The following TMEM38B variants were observed in gnomAD, a reference collection of about 807,000 sequenced individuals.
The protein encoded by TMEM38B is transmembrane protein 38B.
In TMEM38B, 24 loss-of-function variants were observed where a neutral mutation model predicts 28.7. The observed-to-expected ratio is 0.84, with a 90% CI of 0.61 to 1.18. TMEM38B has a LOEUF of 1.18. TMEM38B is among the 50% of genes most tolerant of loss of function. The pLI, the probability that TMEM38B is intolerant of heterozygous loss-of-function variation, is 0.00. For missense variants in TMEM38B, 380 were observed against 350.9 expected (o/e 1.08, Z -0.66); for synonymous variants, 131 against 127.7 (o/e 1.03, Z -0.17).
chr9:105,762,786 C>T (rs1450854963), intron 5 of TMEM38B, among the ~76,000 whole-genome samples: 90 of 149,706 alleles, frequency 6.0e-4, no homozygotes, highest in African/African-American at 2.1e-3. Context: ...AATGGGATGG[C>T]TGGGTCAAAT....
chr9:105,757,909 C>T (rs1161809643), intron 5 of TMEM38B, among the ~76,000 whole-genome samples: 2 of 152,202 alleles, frequency 1.3e-5, no homozygotes, highest in Non-Finnish European at 2.9e-5. Context: ...AGCAGTTTGG[C>T]AATATCTGAC....
chr9:105,767,857 A>G (rs563879225), intron 5 of TMEM38B, among the ~76,000 whole-genome samples: 3 of 152,220 alleles, frequency 2.0e-5, no homozygotes, highest in East Asian at 1.9e-4. Context: ...AGCATTGTCT[A>G]TATACATGGT....
intron 1 of TMEM38B, among the ~76,000 whole-genome samples, chr9:105,704,928 T>TA (rs771753189): frequency 0.05 from 7,129 of 141,408 alleles, 460 homozygotes; most frequent in African/African-American, 0.16. Flanking sequence ...TATCTCAAAG[T>TA]AAAAAAAAAA....
At chr9:105,712,901 C>T (rs1461562121) in intron 2 of TMEM38B, among the ~76,000 whole-genome samples, 2 of 152,294 alleles carry the variant, frequency 1.3e-5, no homozygotes, top group East Asian at 1.9e-4. Flanking sequence ...AGCTTCAGGT[C>T]GCCCCTGAGC....
intron 5 of TMEM38B, chr9:105,759,001 C>T (rs759105051): frequency 3.0e-5 from 30 of 995,520 alleles, no homozygotes; most frequent in Admixed American, 1.4e-4. Context: ...TACAACATGG[C>T]CAATACAAGT....
intron 1 of TMEM38B, 61 bp downstream of exon 1, chr9:105,694,833 A>C (rs1835224020): frequency 5.5e-5 from 7 of 126,912 alleles, no homozygotes; most frequent in Non-Finnish European, 1.0e-4. Flanking sequence ...AGGACCGTCT[A>C]AGTCGGGTGG....
chr9:105,696,314 G>A (rs1835287061), intron 1 of TMEM38B, among the ~76,000 whole-genome samples: 1 of 152,070 alleles, frequency 6.6e-6, no homozygotes, highest in African/African-American at 2.4e-5. Flanking sequence ...TTGAGACGGA[G>A]TCTCTCTGTC....
At chr9:105,712,600 G>A (rs1835946536) in intron 2 of TMEM38B, among the ~76,000 whole-genome samples, 2 of 152,222 alleles carry the variant, frequency 1.3e-5, no homozygotes, top group African/African-American at 2.4e-5. Context: ...AGACTTCTAA[G>A]AGGTCCCATT....
intron 5 of TMEM38B, chr9:105,759,491 ATGACATAATGGGAGGAAGC>A (rs1224837908): frequency 6.3e-7 from 1 of 1,585,332 alleles, no homozygotes; most frequent in African/African-American, 1.3e-5. Context: ...GTGAGTGCTA[ATGACATAATGGGAGGAAGC>A]TGTCATAATT....
chr9:105,723,635 G>C (rs1319669837), intron 4 of TMEM38B, among the ~76,000 whole-genome samples: 3 of 152,026 alleles, frequency 2.0e-5, no homozygotes, highest in Non-Finnish European at 4.4e-5. Context: ...GGGCTCAAGC[G>C]ATCCTTGTAC....
chr9:105,733,915 G>A (rs992767216), intron 4 of TMEM38B, among the ~76,000 whole-genome samples: 1 of 151,860 alleles, frequency 6.6e-6, no homozygotes, highest in Admixed American at 6.6e-5. Flanking sequence ...AACCAACTCA[G>A]TTTGATTGAT....
At chr9:105,695,640 A>G (rs1835261093) in intron 1 of TMEM38B, among the ~76,000 whole-genome samples, 1 of 152,222 alleles carries the variant, frequency 6.6e-6, no homozygotes, top group Non-Finnish European at 1.5e-5. Flanking sequence ...CTTTGAGGTC[A>G]GACATTTCTT....
chr9:105,703,449 G>A (rs970907890), intron 1 of TMEM38B, among the ~76,000 whole-genome samples: 9 of 152,180 alleles, frequency 5.9e-5, no homozygotes, highest in African/African-American at 2.2e-4. Context: ...GTCTGTCATT[G>A]TTGGACATTT....
chr9:105,774,292 C>A lies in TMEM38B; in HGVS notation c.*212C>A. On this transcript the variant is annotated 3_prime_UTR_variant, in exon 6 of 6. Transcript: ENST00000374692. ...AGTGTATCATGTGATTATGCTTTACCGGTATAAGAGATTCTGTTGTGATTA... is the reference window on the plus strand; with the variant it reads ...AGTGTATCATGTGATTATGCTTTACAGGTATAAGAGATTCTGTTGTGATTA... 6.5e-6 allele frequency: 3 copies of A among 464,964 alleles called. No individual in the cohort carries two copies. The South Asian group carries it at 1.2e-4, about 18-fold the overall frequency. 28.8% of individuals were successfully genotyped at this position (464,964 alleles called of 1,614,324 possible).
At chr9:105,714,076 G>A (rs1588404953) in intron 2 of TMEM38B, among the ~76,000 whole-genome samples, 1 of 118,032 alleles carries the variant, frequency 8.5e-6, no homozygotes, top group African/African-American at 4.0e-5. Flanking sequence ...GCAGAGAGGA[G>A]CTACCCTCTC....
rs144782604 is a variant in TMEM38B, at chr9:105,748,191, G to A, written c.660+1G>A. The A allele has an allele frequency of 1.4e-5, 23 of 1,598,184 alleles. No individual in the cohort carries two copies. Among genetic ancestry groups the A allele is most frequent in the Middle Eastern group, 3.3e-4 (2 of 6,052 alleles). On this transcript the variant is annotated splice_donor_variant, in intron 5 of 5. Transcript: ENST00000374692. LOFTEE classifies it high-confidence loss of function. ...TACCATCTTTATTGTGGCCACAAAG[G>A]TAAGAATTCAAAGTACCTATAATTA...
At chr9:105,751,969 G>T (rs1005259139) in intron 5 of TMEM38B, among the ~76,000 whole-genome samples, 4 of 152,026 alleles carry the variant, frequency 2.6e-5, no homozygotes, top group African/African-American at 9.7e-5. Flanking sequence ...CATTTTTGTG[G>T]TTTGGTAGAC....
In TMEM38B at chr9:105,759,204, G is replaced by T. The variant is rs1588466235; in HGVS notation, c.660+11014G>T. 16 of 722,590 alleles carry T rather than the reference G, an allele frequency of 2.2e-5. No individual in the cohort carries two copies. The East Asian group carries it at 3.9e-4, about 18-fold the overall frequency. The allele number at this position is 722,590 out of a possible 1,614,324, so 44.8% of individuals were successfully genotyped here. ...TCTCCTTGAACCTCTCCTTACTTTTGAATATTATGAATTATTTGTGAACAT... is the reference window on the plus strand; with the variant it reads ...TCTCCTTGAACCTCTCCTTACTTTTTAATATTATGAATTATTTGTGAACAT... On this transcript the variant is annotated intron_variant, in intron 5 of 5. Transcript: ENST00000374692.
intron 5 of TMEM38B, among the ~76,000 whole-genome samples, chr9:105,752,681 A>T (rs1430576862): frequency 6.6e-6 from 1 of 152,228 alleles, no homozygotes; most frequent in African/African-American, 2.4e-5. Flanking sequence ...AGCAACTTCA[A>T]AGATCAAAGG....
Sources: allele counts gnomAD v4.1 joint callset (sites outside exome capture counted in the v4.1 genomes callset), GRCh38; gene constraint gnomAD v4.1.1; transcripts MANE v1.5; gene names NCBI Gene and HGNC (gene_info 2026-07-23, HGNC 2026-07-21).